SPPL2A: variants seen among roughly 807,000 people sequenced by gnomAD.
SPPL2A encodes the protein signal peptide peptidase-like 2A.
SPPL2A carries 51 observed loss-of-function variants against 63.8 expected under a neutral mutation model. The observed-to-expected ratio is 0.80, with a 90% CI of 0.64 to 1.01. The LOEUF is 1.01. SPPL2A is among the 50% of genes least tolerant of loss of function. SPPL2A has a pLI of 0.00. For missense variants in SPPL2A, 553 were observed against 622.7 expected, an observed-to-expected ratio of 0.89 and a Z score of 1.19; for synonymous variants, 188 against 205.8, an observed-to-expected ratio of 0.91 and a Z score of 0.74.
chr15:50,703,356 A>ATATATATATTTTT lies in SPPL2A; in HGVS notation c.*4443_*4444insAAAAATATATATA, dbSNP rs1196710672. On this transcript the variant is annotated 3_prime_UTR_variant, in exon 15 of 15. Coordinates refer to ENST00000261854, the MANE Select transcript of SPPL2A (RefSeq NM_032802.4). ...TATATATATATATATACATATATATATTTTTTTTTTTTTTTTTTTTTTTTG... is the reference window on the plus strand; with the variant it reads ...TATATATATATATATACATATATATATATATATATTTTTTTTTTTTTTTTTTTTTTTTTTTTTG... 3.2e-5 allele frequency: 2 copies of ATATATATATTTTT among 62,042 alleles called. No homozygotes were observed. Among genetic ancestry groups the ATATATATATTTTT allele is most frequent in the African/African-American group, 1.4e-4 (2 of 14,240 alleles). 3.8% of individuals were successfully genotyped at this position (62,042 alleles called of 1,614,324 possible). A position where few individuals can be genotyped will look rare whatever the true frequency, so the allele number is the denominator to read the frequency against.
intron 14 of SPPL2A, among the ~76,000 whole-genome samples, chr15:50,711,681 CA>C (rs1207839497): frequency 2.0e-5 from 3 of 152,228 alleles, no homozygotes; most frequent in East Asian, 3.9e-4. Context: ...GAAAGACTGC[CA>C]GGGGTACCTG....
intron 14 of SPPL2A, among the ~76,000 whole-genome samples, chr15:50,717,951 A>ACTAGACTGCAACTT (rs2062610014): frequency 7.0e-6 from 1 of 142,548 alleles, no homozygotes; most frequent in South Asian, 2.2e-4. Context: ...TCTATTCCTC[A>ACTAGACTGCAACTT]CTAGACTGTA....
chr15:50,718,295 G>A (rs1270630979), intron 14 of SPPL2A, among the ~76,000 whole-genome samples: 1 of 151,922 alleles, frequency 6.6e-6, no homozygotes, highest in African/African-American at 2.4e-5. Context: ...ACTTTCAAGA[G>A]GTCATGAGAA....
chr15:50,736,087 T>C lies in SPPL2A; in HGVS notation c.932+14A>G, dbSNP rs1567159078. ...CATCCTTAATCTAAAAGCAAATACA[T>C]TGAGTATTCATACCTGTCTTCATTT... On this transcript the variant is annotated intron_variant, in intron 8 of 14. Transcript: ENST00000261854. The C allele has an allele frequency of 3.5e-6, 5 of 1,446,040 alleles. No individual in the cohort carries two copies. Among genetic ancestry groups the C allele is most frequent in the Non-Finnish European group, 4.9e-6 (5 of 1,029,356 alleles). 89.6% of individuals were successfully genotyped at this position (1,446,040 alleles called of 1,614,324 possible).
intron 10 of SPPL2A, among the ~76,000 whole-genome samples, chr15:50,729,836 T>C (rs757386484): frequency 6.6e-6 from 1 of 151,996 alleles, no homozygotes; most frequent in Admixed American, 6.6e-5. Context: ...GTTTAATGAA[T>C]GGGTAAAGAA....
chr15:50,707,696 A>T lies in SPPL2A; in HGVS notation c.*104T>A, dbSNP rs893422118. 2 of 652,360 alleles carry T rather than the reference A, an allele frequency of 3.1e-6. No homozygotes were observed. Among genetic ancestry groups the T allele is most frequent in the Non-Finnish European group, 5.5e-6 (2 of 360,684 alleles). The allele number at this position is 652,360 out of a possible 1,614,324, so 40.4% of individuals were successfully genotyped here. On this transcript the variant is annotated 3_prime_UTR_variant, in exon 15 of 15. Transcript: ENST00000261854. ...CTCATAAAAATATATTTTTGCAAGC[A>T]TATCATTGAAGACTCTTTCAGATTG... is the stretch of plus-strand genomic sequence containing the variant.
intron 8 of SPPL2A, among the ~76,000 whole-genome samples, chr15:50,734,203 T>C (rs1234998455): frequency 1.3e-5 from 2 of 152,202 alleles, no homozygotes; most frequent in South Asian, 4.1e-4. Flanking sequence ...CTCATGTTTA[T>C]TGCAGCACTA....
intron 5 of SPPL2A, among the ~76,000 whole-genome samples, chr15:50,740,184 T>C (rs2062807315): frequency 6.6e-6 from 1 of 151,902 alleles, no homozygotes; most frequent in African/African-American, 2.4e-5. Flanking sequence ...ATCCCAGCAC[T>C]TTGGGAGGCT....
At chr15:50,752,033 G>A (rs1032089470) in intron 1 of SPPL2A, among the ~76,000 whole-genome samples, 1 of 151,880 alleles carries the variant, frequency 6.6e-6, no homozygotes, top group East Asian at 1.9e-4. Flanking sequence ...GTTTTGTCAC[G>A]CTGGCCAGGC....
In SPPL2A at chr15:50,705,863, A is replaced by G. The variant is rs1405933831; in HGVS notation, c.*1937T>C. 6.6e-6 allele frequency: 1 copy of G among 152,224 alleles called. No homozygotes were observed. The highest frequency in any genetic ancestry group is 2.4e-5 in the African/African-American group (1 of 41,462). 9.4% of individuals were successfully genotyped at this position (152,224 alleles called of 1,614,324 possible). On this transcript the variant is annotated 3_prime_UTR_variant, in exon 15 of 15. Transcript: ENST00000261854. ...AGATGAAAGATATAGTTCTGTTCAC[A>G]TATTTTATACATTATTTACAGAGAA... is the stretch of plus-strand genomic sequence containing the variant.
In SPPL2A at chr15:50,704,045, A is replaced by C. The variant is rs890298576; in HGVS notation, c.*3755T>G. The C allele has an allele frequency of 6.6e-6, 1 of 151,818 alleles. No individual in the cohort carries two copies. Among genetic ancestry groups the C allele is most frequent in the African/African-American group, 2.4e-5 (1 of 41,346 alleles). 9.4% of individuals were successfully genotyped at this position (151,818 alleles called of 1,614,324 possible). ...ATTCTACTAAGGAATTGCTAATCTAAAAAAAAATCTACAAGTGCCAGGCAC... is the reference window on the plus strand; with the variant it reads ...ATTCTACTAAGGAATTGCTAATCTACAAAAAAATCTACAAGTGCCAGGCAC... On this transcript the variant is annotated 3_prime_UTR_variant, in exon 15 of 15. Coordinates refer to ENST00000261854, the MANE Select transcript of SPPL2A (RefSeq NM_032802.4).
chr15:50,744,453 C>T (rs1258387380), intron 5 of SPPL2A, among the ~76,000 whole-genome samples: 2 of 152,022 alleles, frequency 1.3e-5, no homozygotes, highest in Non-Finnish European at 2.9e-5. Context: ...ATTCACAAGG[C>T]AAATATATTT....
chr15:50,715,217 C>T (rs901086485), intron 14 of SPPL2A, among the ~76,000 whole-genome samples: 6 of 152,008 alleles, frequency 3.9e-5, no homozygotes, highest in Admixed American at 3.3e-4. Context: ...AGGCTGGTCT[C>T]GAACTCCTGA....
chr15:50,704,359 A>ATAC lies in SPPL2A; in HGVS notation c.*3440_*3441insGTA. 1 of 151,888 alleles carries ATAC rather than the reference A, an allele frequency of 6.6e-6. No homozygotes were observed. The highest frequency in any genetic ancestry group is 1.9e-4 in the East Asian group (1 of 5,182). 9.4% of individuals were successfully genotyped at this position (151,888 alleles called of 1,614,324 possible). A position where few individuals can be genotyped will look rare whatever the true frequency, so the allele number is the denominator to read the frequency against. ...CTCTGTCTCAAAAAAAAAAAAAAAA[A>ATAC]AAAATCTACAAGCTAGAAGAAAATA... On this transcript the variant is annotated 3_prime_UTR_variant, in exon 15 of 15. Transcript: ENST00000261854.
rs1210645754 is a variant in SPPL2A, at chr15:50,704,292, A to C, written c.*3508T>G. ...GGGAGTCGGAGATTGCAGTGAGCTGATATCATGCCATTGCACTCCAGCCTG... is the reference window on the plus strand; with the variant it reads ...GGGAGTCGGAGATTGCAGTGAGCTGCTATCATGCCATTGCACTCCAGCCTG... On this transcript the variant is annotated 3_prime_UTR_variant, in exon 15 of 15. Transcript: ENST00000261854. The C allele has an allele frequency of 6.8e-6, 1 of 147,514 alleles. No homozygotes were observed. The highest frequency in any genetic ancestry group is 2.1e-4 in the East Asian group (1 of 4,690). 9.1% of individuals were successfully genotyped at this position (147,514 alleles called of 1,614,324 possible). A position where few individuals can be genotyped will look rare whatever the true frequency, so the allele number is the denominator to read the frequency against.
intron 1 of SPPL2A, among the ~76,000 whole-genome samples, chr15:50,757,132 G>T (rs1330402927): frequency 7.3e-6 from 1 of 136,848 alleles, no homozygotes; most frequent in Non-Finnish European, 1.5e-5. Context: ...GCCCAGGCTG[G>T]AGTGCAGTGG....
intron 14 of SPPL2A, among the ~76,000 whole-genome samples, chr15:50,717,548 G>C (rs565895454): frequency 1.1e-4 from 17 of 152,240 alleles, no homozygotes; most frequent in African/African-American, 4.1e-4. Context: ...AACCTTAAAT[G>C]GTCTCCAGTG....
chr15:50,725,990 A>AT (rs934272626), intron 11 of SPPL2A: 587 of 917,790 alleles, frequency 6.4e-4, no homozygotes, highest in Non-Finnish European at 7.2e-4. Context: ...GGCAATCTGG[A>AT]TTTTTTTTTC....
intron 14 of SPPL2A, among the ~76,000 whole-genome samples, chr15:50,717,941 T>A (rs2062609929): frequency 6.8e-6 from 1 of 147,248 alleles, no homozygotes; most frequent in African/African-American, 2.5e-5. Flanking sequence ...TGACTTTATG[T>A]CTATTCCTCA....
Sources: allele counts gnomAD v4.1 joint callset (sites outside exome capture counted in the v4.1 genomes callset), GRCh38; gene constraint gnomAD v4.1.1; transcripts MANE v1.5; gene names NCBI Gene and HGNC (gene_info 2026-07-23, HGNC 2026-07-21).